The following ARHGAP15 variants were observed in gnomAD, a reference collection of about 807,000 sequenced individuals.
ARHGAP15 encodes Rho GTPase activating protein 15, also known as rho GTPase-activating protein 15.
In ARHGAP15, 51 loss-of-function variants were observed where a neutral mutation model predicts 63.7. That is an observed-to-expected ratio of 0.80 (90% CI 0.64 to 1.01). The LOEUF is 1.01. Ranked by LOEUF, ARHGAP15 falls within the 50% of genes least tolerant of loss-of-function variation. The pLI is 0.00. For synonymous variants in ARHGAP15, 191 were observed against 193.8 expected, an observed-to-expected ratio of 0.99 and a Z score of 0.12; for missense variants, 560 against 564.6, an observed-to-expected ratio of 0.99 and a Z score of 0.08.
intron 11 of ARHGAP15, among the ~76,000 whole-genome samples, chr2:143,606,477 A>G (rs1276068118): frequency 6.6e-6 from 1 of 152,186 alleles, no homozygotes; most frequent in Non-Finnish European, 1.5e-5. Context: ...TAACTTCCTA[A>G]GTTATCTAGC....
intron 6 of ARHGAP15, among the ~76,000 whole-genome samples, chr2:143,346,192 A>T (rs13413457): frequency 4.8e-5 from 7 of 145,112 alleles, no homozygotes; most frequent in African/African-American, 1.0e-4. Flanking sequence ...TCACACACAC[A>T]CTCTCTCTCT....
At chr2:143,158,278 A>G (rs926160879) in intron 2 of ARHGAP15, among the ~76,000 whole-genome samples, 1 of 151,922 alleles carries the variant, frequency 6.6e-6, no homozygotes, top group Admixed American at 6.6e-5. Flanking sequence ...AGAACACAAT[A>G]CAAAATTCTC....
intron 6 of ARHGAP15, among the ~76,000 whole-genome samples, chr2:143,268,176 T>C (rs1306824094): frequency 8.5e-6 from 1 of 117,846 alleles, no homozygotes; most frequent in Non-Finnish European, 1.8e-5. Flanking sequence ...TAGAGTGTAG[T>C]TTTTTTTTTT....
intron 13 of ARHGAP15, among the ~76,000 whole-genome samples, chr2:143,728,159 G>A (rs1415541234): frequency 1.3e-5 from 2 of 152,172 alleles, no homozygotes. Context: ...CAGCAGGTTT[G>A]TTTTATTCTG....
intron 12 of ARHGAP15, chr2:143,676,071 C>G (rs1682810811): frequency 6.5e-6 from 1 of 153,346 alleles, no homozygotes; most frequent in Non-Finnish European, 1.5e-5. Flanking sequence ...TCCACTTTTA[C>G]ATTGTAGAGA....
intron 10 of ARHGAP15, among the ~76,000 whole-genome samples, chr2:143,520,923 C>T (rs752786708): frequency 6.6e-6 from 1 of 152,172 alleles, no homozygotes; most frequent in Non-Finnish European, 1.5e-5. Flanking sequence ...AAACGAAAAA[C>T]TGCTAGATGC....
At chr2:143,508,866 C>T (rs1019808327) in intron 9 of ARHGAP15, among the ~76,000 whole-genome samples, 23 of 152,188 alleles carry the variant, frequency 1.5e-4, no homozygotes, top group African/African-American at 4.6e-4. Flanking sequence ...GAGCTGAAAA[C>T]GAGGGGCCAA....
At chr2:143,329,358 C>G (rs1345499037) in intron 6 of ARHGAP15, among the ~76,000 whole-genome samples, 1 of 152,178 alleles carries the variant, frequency 6.6e-6, no homozygotes, top group Non-Finnish European at 1.5e-5. Context: ...ATGTGAGAGA[C>G]AATCTTCTAC....
At chr2:143,282,507 C>T (rs1681901368) in intron 6 of ARHGAP15, among the ~76,000 whole-genome samples, 3 of 152,002 alleles carry the variant, frequency 2.0e-5, no homozygotes, top group African/African-American at 7.2e-5. Flanking sequence ...CTTTATAAAA[C>T]CATCAGGTCT....
chr2:143,502,363 C>T (rs750715180), intron 9 of ARHGAP15, among the ~76,000 whole-genome samples: 1 of 151,722 alleles, frequency 6.6e-6, no homozygotes, highest in Non-Finnish European at 1.5e-5. Context: ...GAGCCAAGAT[C>T]GCACCATTGC....
intron 11 of ARHGAP15, among the ~76,000 whole-genome samples, chr2:143,621,742 G>C (rs987189197): frequency 1.1e-4 from 16 of 151,970 alleles, no homozygotes; most frequent in Admixed American, 9.8e-4. Context: ...TCTATTCATG[G>C]GTAAATTTTC....
Position 143,674,246 on chromosome 2 carries a change from T to C in ARHGAP15, c.1139-29173T>C, listed in dbSNP as rs540753898. 3.1e-3 allele frequency among the ~76,000 whole-genome samples: 479 copies of C among 152,154 alleles called. 1 individual carries two copies. The highest frequency in any genetic ancestry group is 5.4e-3 in the Admixed American group (83 of 15,272). ...TAGCCAAAAACTGAAAAATGACTCA[T>C]AAGCTCATCAAAAGGGAGATTTGTC... is the stretch of plus-strand genomic sequence containing the variant. On this transcript the variant is annotated intron_variant, in intron 12 of 13. Transcript: ENST00000295095.
At chr2:143,746,793 G>A (rs181844983) in intron 13 of ARHGAP15, among the ~76,000 whole-genome samples, 24 of 152,224 alleles carry the variant, frequency 1.6e-4, no homozygotes, top group Non-Finnish European at 4.4e-5. Flanking sequence ...AAGCAAATAA[G>A]CAAGTGATCA....
chr2:143,201,706 G>T (rs1692126209), intron 2 of ARHGAP15, among the ~76,000 whole-genome samples: 1 of 152,096 alleles, frequency 6.6e-6, no homozygotes, highest in African/African-American at 2.4e-5. Context: ...TACTCTGTGG[G>T]TGTGATTTGG....
intron 12 of ARHGAP15, among the ~76,000 whole-genome samples, chr2:143,626,283 A>G (rs1303640281): frequency 6.6e-6 from 1 of 152,074 alleles, no homozygotes; most frequent in East Asian, 2.0e-4. Flanking sequence ...GTTTCTCCAT[A>G]TGAGCTTTGT....
chr2:143,226,549 T>G (rs932745388), intron 4 of ARHGAP15, among the ~76,000 whole-genome samples: 1 of 152,242 alleles, frequency 6.6e-6, no homozygotes, highest in African/African-American at 2.4e-5. Flanking sequence ...TCTATTATTA[T>G]GACCTGAATG....
At chr2:143,215,937 C>T in intron 3 of ARHGAP15, among the ~76,000 whole-genome samples, 1 of 152,180 alleles carries the variant, frequency 6.6e-6, no homozygotes, top group East Asian at 1.9e-4. Flanking sequence ...AAATGCCCTT[C>T]CATGATTCAA....
intron 5 of ARHGAP15, among the ~76,000 whole-genome samples, chr2:143,230,570 T>C (rs562005167): frequency 6.6e-6 from 1 of 152,330 alleles, no homozygotes. Context: ...CAGGCACTCA[T>C]TGTCTTCAAA....
chr2:143,613,967 C>T (rs1051009935), intron 11 of ARHGAP15, among the ~76,000 whole-genome samples: 1 of 152,150 alleles, frequency 6.6e-6, no homozygotes, highest in African/African-American at 2.4e-5. Context: ...TACCTTCTGC[C>T]TTCTTTTCTA....
Sources: allele counts gnomAD v4.1 joint callset (sites outside exome capture counted in the v4.1 genomes callset), GRCh38; gene constraint gnomAD v4.1.1; transcripts MANE v1.5; gene names NCBI Gene and HGNC (gene_info 2026-07-23, HGNC 2026-07-21).